The following PTPRN2 variants were observed in gnomAD, a reference collection of about 807,000 sequenced individuals.
PTPRN2 encodes protein tyrosine phosphatase receptor type N2, also known as receptor-type tyrosine-protein phosphatase N2.
A neutral mutation model predicts 118.8 loss-of-function variants in PTPRN2; 74 were observed. The ratio of observed to expected loss-of-function variants is 0.62; its 90% CI spans 0.52 to 0.76. The LOEUF (loss-of-function observed/expected upper bound fraction) is 0.76. Among genes scored for constraint, PTPRN2 ranks in the 30% least tolerant of loss-of-function variants. The pLI, the probability that PTPRN2 is intolerant of heterozygous loss-of-function variation, is 0.00. For missense variants in PTPRN2, 1,481 were observed against 1,394.4 expected, an observed-to-expected ratio of 1.06 and a Z score of -0.99; for synonymous variants, 641 against 608.0, an observed-to-expected ratio of 1.05 and a Z score of -0.80.
At chr7:158,080,458 G>A (rs1812730294) in intron 11 of PTPRN2, among the ~76,000 whole-genome samples, 1 of 151,818 alleles carries the variant, frequency 6.6e-6, no homozygotes, top group Non-Finnish European at 1.5e-5. Flanking sequence ...GGAGCACCCT[G>A]CCTGCGGAAT....
chr7:158,151,817 T>C (rs1368999600), intron 6 of PTPRN2, among the ~76,000 whole-genome samples: 2 of 152,174 alleles, frequency 1.3e-5, no homozygotes, highest in African/African-American at 4.8e-5. Context: ...GATAAATCCA[T>C]GAGCAAAGTC....
rs145157597 is a variant in PTPRN2, at chr7:158,005,308, A to C, written c.1723+75990T>G. 6.9e-3 allele frequency among the ~76,000 whole-genome samples: 1,055 copies of C among 152,192 alleles called. 12 individuals are homozygous for C. Among genetic ancestry groups the C allele is most frequent in the African/African-American group, 0.024 (1,000 of 41,524 alleles). On this transcript the variant is annotated intron_variant, in intron 11 of 22. Transcript: ENST00000389418. ...AGGCTGGTCTCGAACTCCCGACCTC[A>C]TGTGATCCGCTCAACTCAGCCTCCC... is the stretch of plus-strand genomic sequence containing the variant.
intron 11 of PTPRN2, among the ~76,000 whole-genome samples, chr7:157,996,926 G>A (rs1459285689): frequency 2.0e-5 from 3 of 152,194 alleles, no homozygotes; most frequent in Non-Finnish European, 4.4e-5. Context: ...CGGGGCGGGT[G>A]TGGGGAGGCA....
At position 157,615,585 on chromosome 7, in the gene PTPRN2, G is replaced by C; in HGVS notation, c.2344+5777C>G. The C allele has an allele frequency of 2.1e-6, 1 of 471,232 alleles. No homozygotes were observed. The highest frequency in any genetic ancestry group is 4.4e-6 in the Non-Finnish European group (1 of 227,070). The allele number at this position is 471,232 out of a possible 1,614,324, so 29.2% of individuals were successfully genotyped here. Reference sequence around the variant, plus strand: ...CTGGAACCAGCGCCTGGGAAGTCCCGCGGTGGATCCGCGTCACGGGGGAGG... The same window carrying C: ...CTGGAACCAGCGCCTGGGAAGTCCCCCGGTGGATCCGCGTCACGGGGGAGG... On this transcript the variant is annotated intron_variant, in intron 15 of 22. Coordinates refer to ENST00000389418, the MANE Select transcript of PTPRN2 (RefSeq NM_002847.5). This position sits in a 1 kb window ranked among gnomAD's most constrained non-coding sequence, Gnocchi z 4.3.
rs781366531 is a variant in PTPRN2, at chr7:157,893,096, T to G, written c.1788+5577A>C. 9.9e-5 allele frequency among the ~76,000 whole-genome samples: 15 copies of G among 152,218 alleles called. No homozygotes were observed. Among genetic ancestry groups the G allele is most frequent in the Non-Finnish European group, 2.1e-4 (14 of 68,044 alleles). On this transcript the variant is annotated intron_variant, in intron 12 of 22. Transcript: ENST00000389418. The surrounding 1 kb of genome is among the most constrained non-coding windows in gnomAD (Gnocchi z 4.0). ...GCTCCAGGAGCTGGTCTCCAGCATTTGGTGGAACGAGAACAAAGAAATGTC... is the reference window on the plus strand; with the variant it reads ...GCTCCAGGAGCTGGTCTCCAGCATTGGGTGGAACGAGAACAAAGAAATGTC...
At chr7:158,240,742 T>C (rs951607649) in intron 3 of PTPRN2, among the ~76,000 whole-genome samples, 3 of 152,222 alleles carry the variant, frequency 2.0e-5, no homozygotes, top group African/African-American at 7.2e-5. Context: ...GTTTGGTCTT[T>C]CTAATGGCAA....
At chr7:158,151,886 G>T (rs1301538249) in intron 6 of PTPRN2, among the ~76,000 whole-genome samples, 4 of 152,174 alleles carry the variant, frequency 2.6e-5, no homozygotes, top group African/African-American at 4.8e-5. Context: ...TAAAAACCAT[G>T]AATGCGGCCG....
chr7:158,413,245 C>T (rs561330678), intron 2 of PTPRN2, among the ~76,000 whole-genome samples: 2 of 152,324 alleles, frequency 1.3e-5, no homozygotes, highest in South Asian at 4.1e-4. Context: ...AAATTTTGTG[C>T]CAAAGTTGGG....
intron 11 of PTPRN2, among the ~76,000 whole-genome samples, chr7:158,034,541 A>T (rs1807958276): frequency 6.6e-6 from 1 of 152,070 alleles, no homozygotes; most frequent in Non-Finnish European, 1.5e-5. Context: ...CTTGCCTTCC[A>T]CCATGATTGT....
intron 11 of PTPRN2, among the ~76,000 whole-genome samples, chr7:157,960,745 G>A (rs1355951090): frequency 2.0e-5 from 3 of 152,214 alleles, no homozygotes; most frequent in Admixed American, 6.5e-5. Context: ...GGTGGCTTAC[G>A]CCTGTAATCC....
At chr7:158,002,015 A>T (rs183661030) in intron 11 of PTPRN2, among the ~76,000 whole-genome samples, 1 of 152,312 alleles carries the variant, frequency 6.6e-6, no homozygotes, top group Admixed American at 6.5e-5. Context: ...CCAGCTTCAG[A>T]TTCAGAAATG....
chr7:158,476,725 T>C (rs10259735), intron 2 of PTPRN2, among the ~76,000 whole-genome samples: 38,229 of 152,268 alleles, frequency 0.25, 5,209 homozygotes, highest in East Asian at 0.4. Context: ...AACGAGGGCG[T>C]CCTTAGCGGG....
chr7:157,887,527 TTCCCCCAGTACCCGCTCC>T (rs2151298840), intron 12 of PTPRN2, among the ~76,000 whole-genome samples: 1 of 12,608 alleles, frequency 7.9e-5, no homozygotes, highest in East Asian at 3.0e-3. Context: ...CAGTACCCGC[TTCCCCCAGTACCCGCTCC>T]CCCAGTACCT....
At chr7:157,736,798 G>T (rs28448754) in intron 12 of PTPRN2, among the ~76,000 whole-genome samples, 3,958 of 152,242 alleles carry the variant, frequency 0.026, 145 homozygotes, top group African/African-American at 0.088. Context: ...CATCTTACAT[G>T]CAGGTCCCTC....
chr7:158,337,097 A>T (rs372371382), intron 2 of PTPRN2, among the ~76,000 whole-genome samples: 1 of 146,622 alleles, frequency 6.8e-6, no homozygotes. Context: ...TCACACCCAC[A>T]CTCTCACCAT....
At chr7:158,336,467 ACTCTC>A (rs1805555817) in intron 2 of PTPRN2, among the ~76,000 whole-genome samples, 1 of 126,126 alleles carries the variant, frequency 7.9e-6, no homozygotes, top group Non-Finnish European at 1.7e-5. Context: ...TCACACCCAC[ACTCTC>A]ACCATAAGAG....
At chr7:158,225,451 C>T (rs1375840026) in intron 3 of PTPRN2, among the ~76,000 whole-genome samples, 1 of 152,188 alleles carries the variant, frequency 6.6e-6, no homozygotes, top group East Asian at 1.9e-4. Flanking sequence ...TGTGCTGAGG[C>T]AAAAAGCCAA....
chr7:157,910,886 G>T (rs1344201637), intron 11 of PTPRN2, among the ~76,000 whole-genome samples: 2 of 152,234 alleles, frequency 1.3e-5, no homozygotes, highest in Non-Finnish European at 2.9e-5. Flanking sequence ...CCAATGTTTG[G>T]ATGTTTAATT....
At chr7:157,947,082 A>G (rs1374279847) in intron 11 of PTPRN2, among the ~76,000 whole-genome samples, 1 of 152,170 alleles carries the variant, frequency 6.6e-6, no homozygotes, top group Non-Finnish European at 1.5e-5. Context: ...AGCCATCAGC[A>G]TAGATGGGAG....
Sources: allele counts gnomAD v4.1 joint callset (sites outside exome capture counted in the v4.1 genomes callset), GRCh38; gene constraint gnomAD v4.1.1; non-coding constraint Gnocchi (gnomAD v3.1); transcripts MANE v1.5; gene names NCBI Gene and HGNC (gene_info 2026-07-23, HGNC 2026-07-21).